Variants in GPHN observed in about 807,000 individuals in gnomAD.
GPHN encodes the protein gephyrin.
GPHN carries 17 observed loss-of-function variants against 95.5 expected under a neutral mutation model. The ratio of observed to expected loss-of-function variants is 0.18; its 90% CI spans 0.12 to 0.27. The LOEUF is 0.27. GPHN is among the 10% of genes least tolerant of loss of function. The probability of loss-of-function intolerance (pLI) is 1.00; values close to 1 mark genes in which losing one functional copy is unlikely to be tolerated. For missense variants in GPHN, 660 were observed against 978.1 expected, an observed-to-expected ratio of 0.67 and a Z score of 4.34; for synonymous variants, 320 against 322.5, an observed-to-expected ratio of 0.99 and a Z score of 0.08.
the GPHN span, chr14:67,385,224 A>C: frequency 2.6e-5 from 4 of 152,338 alleles, no homozygotes; most frequent in Admixed American, 1.3e-4. Context: ...GACAAGATAC[A>C]TATGAGGACA....
the GPHN span, among the ~76,000 whole-genome samples, chr14:67,190,596 G>A: frequency 1.3e-5 from 2 of 152,122 alleles, no homozygotes; most frequent in African/African-American, 4.8e-5. Flanking sequence ...CAAAGACTGA[G>A]AATTGAGTAA....
intron 1 of GPHN, among the ~76,000 whole-genome samples, chr14:66,591,423 A>G (rs1302480225): frequency 6.6e-6 from 1 of 152,236 alleles, no homozygotes; most frequent in African/African-American, 2.4e-5. Context: ...TCTCAGCCCA[A>G]AATCTCCTTA....
the GPHN span, among the ~76,000 whole-genome samples, chr14:67,705,380 C>T: frequency 2.6e-5 from 4 of 152,192 alleles, no homozygotes; most frequent in Admixed American, 6.5e-5. Flanking sequence ...TTAATGTGTA[C>T]GTCAACAGTT....
Position 67,180,934 on chromosome 14 carries a change from A to G in GPHN, c.2307A>G (p.Leu769=), listed in dbSNP as rs747068379. 6.2e-6 allele frequency: 10 copies of G among 1,613,852 alleles called. No homozygotes were observed. The highest frequency in any genetic ancestry group is 5.0e-5 in the Admixed American group (3 of 59,962). The change falls in exon 23 of 23, where the codon CTA becomes CTG. Residue 769 remains leucine, a synonymous_variant. Coordinates refer to ENST00000478722, the MANE Select transcript of GPHN (RefSeq NM_020806.5). ...EVVDVMVIGR[L] ...TGGATGTCATGGTCATTGGACGGCT[A>G]TGATGGTCACCAGCAGGAGAAAGCT...
At chr14:67,023,361 T>C (rs1447643749) in intron 9 of GPHN, among the ~76,000 whole-genome samples, 1 of 152,100 alleles carries the variant, frequency 6.6e-6, no homozygotes, top group Non-Finnish European at 1.5e-5. Context: ...CGATTTTAAA[T>C]ACAAATGAAT....
At chr14:67,281,028 G>T in the GPHN span, among the ~76,000 whole-genome samples, 4 of 151,396 alleles carry the variant, frequency 2.6e-5, no homozygotes, top group Non-Finnish European at 5.9e-5. Flanking sequence ...CCTCCCGAGT[G>T]GCTGGGATTA....
At chr14:66,540,122 T>C (rs182162234) in intron 1 of GPHN, among the ~76,000 whole-genome samples, 1 of 152,374 alleles carries the variant, frequency 6.6e-6, no homozygotes, top group Admixed American at 6.5e-5. Context: ...TCTTGCTTCA[T>C]GTTGGCTGAA....
chr14:66,537,831 A>C (rs1397610824), intron 1 of GPHN, among the ~76,000 whole-genome samples: 1 of 152,072 alleles, frequency 6.6e-6, no homozygotes, highest in Non-Finnish European at 1.5e-5. Context: ...CTGGGCTGGC[A>C]TGTGTTGCTG....
At chr14:67,490,888 T>C in the GPHN span, among the ~76,000 whole-genome samples, 1 of 151,948 alleles carries the variant, frequency 6.6e-6, no homozygotes, top group East Asian at 1.9e-4. Flanking sequence ...AGATATGGGG[T>C]GGGCGTGGAG....
chr14:66,951,942 A>T lies in GPHN; in HGVS notation c.829-13249A>T, dbSNP rs543352241. ...ATTAGAGATCCAAACAGGAAGGAGGAAACTATAAAGCTTTTATAGATTTTT... is the reference window on the plus strand; with the variant it reads ...ATTAGAGATCCAAACAGGAAGGAGGTAACTATAAAGCTTTTATAGATTTTT... On this transcript the variant is annotated intron_variant, in intron 8 of 22. Transcript: ENST00000478722. 1.7e-4 allele frequency among the ~76,000 whole-genome samples: 26 copies of T among 152,022 alleles called. 1 individual carries two copies. In the South Asian group the frequency reaches 5.2e-3, roughly 30 times the overall value.
chr14:66,546,783 C>T (rs1013327901), intron 1 of GPHN, among the ~76,000 whole-genome samples: 22 of 33,682 alleles, frequency 6.5e-4, no homozygotes, highest in African/African-American at 2.3e-3. Flanking sequence ...AGAGGGAGAC[C>T]GTGGGGAGAG....
At chr14:67,727,213 A>G in the GPHN span, 77 of 1,594,268 alleles carry the variant, frequency 4.8e-5, no homozygotes, top group Non-Finnish European at 6.0e-5. Context: ...AAAGAGGAAT[A>G]GCAAAAATGG....
chr14:66,652,328 G>T (rs149244514), intron 1 of GPHN, among the ~76,000 whole-genome samples: 1 of 151,966 alleles, frequency 6.6e-6, no homozygotes, highest in Non-Finnish European at 1.5e-5. Context: ...TTATTATTCG[G>T]TAATATTATA....
chr14:67,045,557 GTC>G (rs1253383379), intron 10 of GPHN, among the ~76,000 whole-genome samples: 3 of 147,516 alleles, frequency 2.0e-5, no homozygotes, highest in East Asian at 2.0e-4. Context: ...GTCTCTCTCT[GTC>G]TCTCTGTCTC....
chr14:66,701,445 C>T (rs553257291), intron 2 of GPHN, among the ~76,000 whole-genome samples: 2 of 152,106 alleles, frequency 1.3e-5, no homozygotes, highest in South Asian at 2.1e-4. Context: ...GTGTGTGAAA[C>T]CTTCACCTGC....
At chr14:67,495,727 A>G in the GPHN span, among the ~76,000 whole-genome samples, 3 of 151,446 alleles carry the variant, frequency 2.0e-5, no homozygotes, top group Non-Finnish European at 4.4e-5. Context: ...CAGGTGATCC[A>G]CTCACCCCGG....
intron 2 of GPHN, among the ~76,000 whole-genome samples, chr14:66,704,665 TGAGA>T (rs2068891850): frequency 6.6e-6 from 1 of 151,914 alleles, no homozygotes; most frequent in Admixed American, 6.6e-5. Context: ...TAAAGAAGTG[TGAGA>T]GAGAGAAACT....
the GPHN span, among the ~76,000 whole-genome samples, chr14:67,508,443 T>C: frequency 6.6e-6 from 1 of 151,608 alleles, no homozygotes; most frequent in Non-Finnish European, 1.5e-5. Flanking sequence ...ACGCCCAGAG[T>C]CACTGAGCTG....
the GPHN span, chr14:67,578,507 A>AC: frequency 6.6e-7 from 1 of 1,513,332 alleles, no homozygotes; most frequent in Admixed American, 1.8e-5. This position sits in a 1 kb window ranked among gnomAD's most constrained non-coding sequence, Gnocchi z 5.0. Flanking sequence ...CCCAGCACTC[A>AC]CCCCACGCTG....
Sources: allele counts gnomAD v4.1 joint callset (sites outside exome capture counted in the v4.1 genomes callset), GRCh38; gene constraint gnomAD v4.1.1; non-coding constraint Gnocchi (gnomAD v3.1); transcripts MANE v1.5; gene names NCBI Gene and HGNC (gene_info 2026-07-23, HGNC 2026-07-21).